The following PSMD12 variants were observed in gnomAD, a reference collection of about 807,000 sequenced individuals.
PSMD12 encodes the protein 26S proteasome non-ATPase regulatory subunit 12.
A neutral mutation model predicts 62.9 loss-of-function variants in PSMD12; 8 were observed. The observed-to-expected ratio is 0.13, with a 90% CI of 0.07 to 0.23. The LOEUF is 0.23. Among genes scored for constraint, PSMD12 ranks in the 10% least tolerant of loss-of-function variants. The pLI is 1.00. For missense variants in PSMD12, 424 were observed against 550.2 expected (o/e 0.77, Z 2.29); for synonymous variants, 173 against 187.4 (o/e 0.92, Z 0.63).
At chr17:67,356,940 G>A (rs1480166001) in intron 3 of PSMD12, among the ~76,000 whole-genome samples, 1 of 152,012 alleles carries the variant, frequency 6.6e-6, no homozygotes, top group African/African-American at 2.4e-5. Flanking sequence ...AGCCCAGGAG[G>A]TTGAGGCTGC....
At position 67,340,246 on chromosome 17, in the gene PSMD12, C is replaced by T. The variant is rs2041899743; in HGVS notation, c.*597G>A. ...TCAAGCTACTGTGATTGGAACCAGC[C>T]GGACTCAAAAAAAAAAAAAAAAAAG... On this transcript the variant is annotated 3_prime_UTR_variant, in exon 11 of 11. Coordinates refer to ENST00000356126, the MANE Select transcript of PSMD12 (RefSeq NM_002816.5). 1 of 116,744 alleles carries T rather than the reference C, an allele frequency of 8.6e-6. No homozygotes were observed. 7.2% of individuals were successfully genotyped at this position (116,744 alleles called of 1,614,324 possible).
rs2042086815 is a variant in PSMD12, at chr17:67,357,508, A to T, written c.168+11T>A. ...TAATGGTAACTGAGCTTTCCCCTGT[A>T]AACTACTCACAGTACGAGTCTGCTT... On this transcript the variant is annotated intron_variant, in intron 2 of 10. Transcript: ENST00000356126. 6.2e-7 allele frequency: 1 copy of T among 1,613,384 alleles called. No homozygotes were observed. Among genetic ancestry groups the T allele is most frequent in the South Asian group, 1.1e-5 (1 of 91,066 alleles).
chr17:67,344,656 C>G lies in PSMD12; in HGVS notation c.1033G>C (p.Glu345Gln), dbSNP rs1403781576. 1.2e-6 allele frequency: 2 copies of G among 1,613,480 alleles called. No homozygotes were observed. Among genetic ancestry groups the G allele is most frequent in the Admixed American group, 3.3e-5 (2 of 59,984 alleles). ...SPATDVFGSTEEGEKRWKDLK... is the reference protein window; with the variant it reads ...SPATDVFGSTQEGEKRWKDLK... ...TCTTTCCACCTTTTTTCACCTTCCT[C>G]TGTAGAACCAAAAACATCCGTTGCA... The change falls in exon 9 of 11, where the codon GAG becomes CAG. Residue 345 changes from glutamate (E) to glutamine (Q), a missense_variant. Physicochemically the swap from Glu to Gln is conservative, Grantham distance 29. Transcript: ENST00000356126.
At chr17:67,365,874 G>T (rs1470620262) in intron 1 of PSMD12, among the ~76,000 whole-genome samples, 1 of 151,564 alleles carries the variant, frequency 6.6e-6, no homozygotes, top group Non-Finnish European at 1.5e-5. Context: ...CCCTTGTATG[G>T]CCCTCACCAC....
chr17:67,357,949 T>A (rs2042091510), intron 1 of PSMD12, among the ~76,000 whole-genome samples: 1 of 150,818 alleles, frequency 6.6e-6, no homozygotes, highest in Non-Finnish European at 1.5e-5. Flanking sequence ...TGAGACAGAG[T>A]CTCACTCTTT....
At chr17:67,352,396 A>T (rs1233868870) in intron 3 of PSMD12, among the ~76,000 whole-genome samples, 1 of 152,194 alleles carries the variant, frequency 6.6e-6, no homozygotes, top group East Asian at 1.9e-4. Flanking sequence ...CTATTTAGAG[A>T]CCCAGGCATT....
chr17:67,340,469 A>G lies in PSMD12; in HGVS notation c.*374T>C, dbSNP rs2041902718. ...ACTTGCCAAATCACTACCCCACAAAATGTTGAGAATCAGAGGTAACTGTAG... is the reference window on the plus strand; with the variant it reads ...ACTTGCCAAATCACTACCCCACAAAGTGTTGAGAATCAGAGGTAACTGTAG... On this transcript the variant is annotated 3_prime_UTR_variant, in exon 11 of 11. Coordinates refer to ENST00000356126, the MANE Select transcript of PSMD12 (RefSeq NM_002816.5). 6.3e-6 allele frequency: 1 copy of G among 158,946 alleles called. No individual in the cohort carries two copies. The highest frequency in any genetic ancestry group is 1.4e-5 in the Non-Finnish European group (1 of 72,846). The allele number at this position is 158,946 out of a possible 1,614,324, so 9.8% of individuals were successfully genotyped here. A position where few individuals can be genotyped will look rare whatever the true frequency, so the allele number is the denominator to read the frequency against.
chr17:67,355,090 T>G lies in PSMD12; in HGVS notation c.297+2213A>C, dbSNP rs1266048195. Reference sequence around the variant, plus strand: ...TTCACATCGGCTTGCATATTTTTGGTTTTTTTTTTTTTTTTTTTGGAGACA... The same window carrying G: ...TTCACATCGGCTTGCATATTTTTGGGTTTTTTTTTTTTTTTTTTGGAGACA... On this transcript the variant is annotated intron_variant, in intron 3 of 10. Transcript: ENST00000356126. Among the ~76,000 whole-genome samples, 5 of 80,324 alleles carry G rather than the reference T, an allele frequency of 6.2e-5. No homozygotes were observed. In the South Asian group the frequency reaches 1.5e-3, roughly 24 times the overall value. 52.7% of individuals were successfully genotyped at this position (80,324 alleles called of 152,430 possible). A position where few individuals can be genotyped will look rare whatever the true frequency, so the allele number is the denominator to read the frequency against.
Position 67,339,838 on chromosome 17 carries a change from C to T in PSMD12, c.*1005G>A, listed in dbSNP as rs561860180. ...TTTGACAGCAAGCTACTTTTAATTC[C>T]GTGAAAATATTTTAATACTACACCA... On this transcript the variant is annotated 3_prime_UTR_variant, in exon 11 of 11. Coordinates refer to ENST00000356126, the MANE Select transcript of PSMD12 (RefSeq NM_002816.5). 7 of 151,738 alleles carry T rather than the reference C, an allele frequency of 4.6e-5. No homozygotes were observed. The highest frequency in any genetic ancestry group is 3.3e-4 in the Admixed American group (5 of 15,242). 9.4% of individuals were successfully genotyped at this position (151,738 alleles called of 1,614,324 possible). A position where few individuals can be genotyped will look rare whatever the true frequency, so the allele number is the denominator to read the frequency against.
chr17:67,342,215 T>A lies in PSMD12; in HGVS notation c.1132A>T (p.Met378Leu). 1 of 1,589,452 alleles carries A rather than the reference T, an allele frequency of 6.3e-7. No individual in the cohort carries two copies. The highest frequency in any genetic ancestry group is 8.6e-7 in the Non-Finnish European group (1 of 1,157,832). ...ACAGATAGATCCAGAAGCTGTGCCA[T>A]CCTTTTCATTGTTATCCGAGTATAA... ...KYYTRITMKR[M>L]AQLLDLSVDE... Residue 378 changes from methionine to leucine, a missense_variant, in exon 10 of 11, where the codon ATG becomes TTG. Coordinates refer to ENST00000356126, the MANE Select transcript of PSMD12 (RefSeq NM_002816.5).
At chr17:67,364,069 AT>A (rs1413923691) in intron 1 of PSMD12, among the ~76,000 whole-genome samples, 8 of 152,320 alleles carry the variant, frequency 5.3e-5, no homozygotes, top group Admixed American at 1.3e-4. Context: ...AATAAAAAAA[AT>A]AAATAAAAAG....
At chr17:67,363,588 G>T (rs1411417340) in intron 1 of PSMD12, among the ~76,000 whole-genome samples, 1 of 152,138 alleles carries the variant, frequency 6.6e-6, no homozygotes, top group Non-Finnish European at 1.5e-5. Context: ...GCTGCCTGAA[G>T]CTTAAATTTT....
chr17:67,360,821 G>A lies in PSMD12; in HGVS notation c.109-3243C>T, dbSNP rs774002612. On this transcript the variant is annotated intron_variant, in intron 1 of 10. Coordinates refer to ENST00000356126, the MANE Select transcript of PSMD12 (RefSeq NM_002816.5). Reference sequence around the variant, plus strand: ...TATTCAGTTGATCTCAATGGCTTACGATTCCTGATTCTTACTGTCACAATA... The same window carrying A: ...TATTCAGTTGATCTCAATGGCTTACAATTCCTGATTCTTACTGTCACAATA... Among the ~76,000 whole-genome samples the A allele has an allele frequency of 7.7e-4, 117 of 152,266 alleles. 2 individuals carry two copies. The highest frequency in any genetic ancestry group is 2.9e-4 in the Non-Finnish European group (20 of 68,020).
intron 1 of PSMD12, among the ~76,000 whole-genome samples, chr17:67,360,406 A>C (rs900279969): frequency 3.2e-4 from 48 of 152,118 alleles, no homozygotes. Flanking sequence ...TTTGGATAAC[A>C]CTCTCTAAAA....
intron 1 of PSMD12, 117 bp from the exon 2 acceptor site, chr17:67,357,695 A>G (rs1174633160): frequency 9.2e-6 from 9 of 979,692 alleles, no homozygotes; most frequent in Non-Finnish European, 1.4e-5. Context: ...CTAGAGGAAA[A>G]GGACTACCCA....
intron 3 of PSMD12, among the ~76,000 whole-genome samples, chr17:67,350,826 A>C (rs1427862542): frequency 6.6e-6 from 1 of 151,992 alleles, no homozygotes; most frequent in African/African-American, 2.4e-5. Flanking sequence ...GCTAGAATAC[A>C]CTCCCTTCAG....
chr17:67,357,906 G>A (rs533172422), intron 1 of PSMD12, among the ~76,000 whole-genome samples: 1 of 149,680 alleles, frequency 6.7e-6, no homozygotes, highest in South Asian at 2.2e-4. Context: ...AACTCAGTGT[G>A]GTAACACCTG....
rs138349141 is a variant in PSMD12 at position 67,344,121 on chromosome 17, A to G, written c.1083+485T>C. On this transcript the variant is annotated intron_variant, in intron 9 of 10. Transcript: ENST00000356126. ...GGAGTGAATGGCAACATAATACAAC[A>G]TAACGGCAGTGATACTAAAAAGATC... Among the ~76,000 whole-genome samples the G allele has an allele frequency of 8.5e-5, 13 of 152,354 alleles. No individual in the cohort carries two copies. In the East Asian group the frequency reaches 2.5e-3, roughly 29 times the overall value.
intron 9 of PSMD12, among the ~76,000 whole-genome samples, chr17:67,342,939 CAAAA>C (rs11366514): frequency 9.7e-6 from 1 of 102,666 alleles, no homozygotes. Context: ...GACTCTCTTT[CAAAA>C]AAAAAAAAAA....
Sources: allele counts gnomAD v4.1 joint callset (sites outside exome capture counted in the v4.1 genomes callset), GRCh38; gene constraint gnomAD v4.1.1; transcripts MANE v1.5; gene names NCBI Gene and HGNC (gene_info 2026-07-23, HGNC 2026-07-21).